The following RPRD2 variants were observed in gnomAD, a reference collection of about 807,000 sequenced individuals.
The protein encoded by RPRD2 is regulation of nuclear pre-mRNA domain-containing protein 2.
Under a neutral mutation model 104.4 loss-of-function variants are expected in RPRD2, and 12 were observed. The observed-to-expected ratio is 0.11, with a 90% confidence interval of 0.07 to 0.19. The LOEUF (loss-of-function observed/expected upper bound fraction) is 0.19, where lower values mean the gene tolerates loss of function less well. RPRD2 is among the 10% of genes least tolerant of loss of function. The probability of loss-of-function intolerance (pLI) is 1.00; values close to 1 mark genes in which losing one functional copy is unlikely to be tolerated. For synonymous variants in RPRD2, 714 were observed against 684.9 expected, an observed-to-expected ratio of 1.04 and a Z score of -0.66; for missense variants, 1,543 against 1,790.1, an observed-to-expected ratio of 0.86 and a Z score of 2.49.
intron 1 of RPRD2, among the ~76,000 whole-genome samples, chr1:150,372,951 A>G (rs1553878723): frequency 1.3e-5 from 2 of 152,108 alleles, no homozygotes; most frequent in African/African-American, 4.8e-5. Context: ...AGGCATTGTA[A>G]GGACTTTGGT....
At position 150,472,442 on chromosome 1, in the gene RPRD2, C is replaced by T; in HGVS notation, c.3494C>T (p.Ala1165Val). The change falls in exon 11 of 11, where the codon GCA (alanine) becomes GTA (valine). Residue 1165 changes from alanine (A) to valine (V), a missense_variant. Ala to Val is a moderately conservative substitution (Grantham distance 64). Around this residue, in one of 4 missense-constraint regions of RPRD2, gnomAD observed 880 missense variants for 885.6 expected, o/e 0.99. Transcript: ENST00000369068. The stretch of plus-strand genomic sequence containing the variant: ...GGAGGCCTCACTGGCTTTAAAACAG[C>T]ACCATACAAGGAACGGGCACCTCAA... ...GSGGLTGFKT[A>V]PYKERAPQFQ... 1 of 1,613,974 alleles carries T rather than the reference C, an allele frequency of 6.2e-7. No homozygotes were observed. Among genetic ancestry groups the T allele is most frequent in the Non-Finnish European group, 8.5e-7 (1 of 1,179,894 alleles).
intron 1 of RPRD2, among the ~76,000 whole-genome samples, chr1:150,365,557 C>T (rs1256540478): frequency 6.6e-6 from 1 of 152,156 alleles, no homozygotes; most frequent in Non-Finnish European, 1.5e-5. Flanking sequence ...TAGTCAGTAT[C>T]ATCGTTAATA....
chr1:150,383,962 G>A (rs1276060954), intron 1 of RPRD2, among the ~76,000 whole-genome samples: 3 of 152,138 alleles, frequency 2.0e-5, no homozygotes, highest in Admixed American at 6.6e-5. Context: ...TTGTGCAACA[G>A]AATTTCCCAA....
At chr1:150,382,656 G>A (rs1440061980) in intron 1 of RPRD2, among the ~76,000 whole-genome samples, 1 of 152,126 alleles carries the variant, frequency 6.6e-6, no homozygotes, top group African/African-American at 2.4e-5. Flanking sequence ...ACTGCACCTG[G>A]CCTATAGCTA....
At chr1:150,447,978 C>T (rs1666903574) in intron 7 of RPRD2, among the ~76,000 whole-genome samples, 1 of 152,156 alleles carries the variant, frequency 6.6e-6, no homozygotes, top group Admixed American at 6.6e-5. Context: ...TTCTCCTTCT[C>T]CCAGTTTTGT....
At chr1:150,402,381 A>G (rs759359357) in intron 1 of RPRD2, among the ~76,000 whole-genome samples, 13 of 152,206 alleles carry the variant, frequency 8.5e-5, no homozygotes, top group Non-Finnish European at 1.9e-4. Flanking sequence ...TTATCATATA[A>G]AAATGTAGAG....
chr1:150,464,464 G>C, intron 9 of RPRD2, 63 bp from the exon 10 acceptor site: 2 of 1,269,068 alleles, frequency 1.6e-6, no homozygotes, highest in Non-Finnish European at 2.2e-6. Flanking sequence ...GAAGTGAGGG[G>C]AAGTATCGGA....
intron 1 of RPRD2, among the ~76,000 whole-genome samples, chr1:150,404,118 C>T (rs181131108): frequency 6.6e-6 from 1 of 152,288 alleles, no homozygotes; most frequent in East Asian, 1.9e-4. Flanking sequence ...AGACCTAAGA[C>T]CCAGCTGATT....
At chr1:150,431,553 T>C (rs989948368) in intron 2 of RPRD2, among the ~76,000 whole-genome samples, 14 of 142,728 alleles carry the variant, frequency 9.8e-5, no homozygotes, top group Non-Finnish European at 1.8e-4. Context: ...CAATCTCGGC[T>C]CGCTGCAACT....
At chr1:150,431,061 T>TA (rs1665533678) in intron 2 of RPRD2, among the ~76,000 whole-genome samples, 1 of 152,178 alleles carries the variant, frequency 6.6e-6, no homozygotes, top group South Asian at 2.1e-4. Flanking sequence ...AATGAAATTA[T>TA]AAAACAAGCA....
At chr1:150,454,245 T>C (rs1667373359) in intron 7 of RPRD2, among the ~76,000 whole-genome samples, 1 of 152,174 alleles carries the variant, frequency 6.6e-6, no homozygotes, top group Non-Finnish European at 1.5e-5. Context: ...AGCTCTGCTT[T>C]TTTTCTTTTT....
In RPRD2 at chr1:150,364,693, A is replaced by G. The variant is rs782806629; in HGVS notation, c.-22A>G. 54 of 1,449,240 alleles carry G rather than the reference A, an allele frequency of 3.7e-5. No homozygotes were observed. The highest frequency in any genetic ancestry group is 5.0e-5 in the Non-Finnish European group (53 of 1,058,734). The allele number at this position is 1,449,240 out of a possible 1,614,324, so 89.8% of individuals were successfully genotyped here. On this transcript the variant is annotated 5_prime_UTR_variant, in exon 1 of 11. Coordinates refer to ENST00000369068, the MANE Select transcript of RPRD2 (RefSeq NM_015203.5). ...CCGCCGCCGCCGCCAGAGGAGCAGC[A>G]GCGCTTGTGCAAACCGGGAAGATGG...
Position 150,441,112 on chromosome 1 carries a change from G to A in RPRD2, c.436+89G>A, listed in dbSNP as rs115258200. On this transcript the variant is annotated intron_variant, in intron 3 of 10. Transcript: ENST00000369068. ...ATAGATCTGGTCATGTTGTATAATAGTGAAAAATTAAGTTTTGAATCTAGC... is the reference window on the plus strand; with the variant it reads ...ATAGATCTGGTCATGTTGTATAATAATGAAAAATTAAGTTTTGAATCTAGC... The A allele has an allele frequency of 4.4e-3, 2,737 of 628,622 alleles. 11 individuals carry two copies. Among genetic ancestry groups the A allele is most frequent in the Non-Finnish European group, 5.9e-3 (2,171 of 367,284 alleles). 38.9% of individuals were successfully genotyped at this position (628,622 alleles called of 1,614,324 possible).
intron 2 of RPRD2, among the ~76,000 whole-genome samples, chr1:150,436,778 G>A (rs1413437109): frequency 2.0e-5 from 3 of 151,574 alleles, no homozygotes; most frequent in East Asian, 2.0e-4. Context: ...GGTGGCACAC[G>A]CCTGTAATAC....
intron 1 of RPRD2, among the ~76,000 whole-genome samples, chr1:150,401,429 A>C (rs1662994890): frequency 6.6e-6 from 1 of 151,856 alleles, no homozygotes; most frequent in Non-Finnish European, 1.5e-5. Context: ...CGGAGGTTGC[A>C]GTGAGCTGAG....
chr1:150,428,880 T>C (rs1393096147), intron 2 of RPRD2, among the ~76,000 whole-genome samples: 2 of 152,100 alleles, frequency 1.3e-5, no homozygotes, highest in African/African-American at 4.8e-5. Flanking sequence ...CTTCCTGTTA[T>C]AAGAGTAAGG....
At chr1:150,373,337 T>C (rs1432157786) in intron 1 of RPRD2, among the ~76,000 whole-genome samples, 1 of 152,112 alleles carries the variant, frequency 6.6e-6, no homozygotes, top group Non-Finnish European at 1.5e-5. Flanking sequence ...AAAAGGTTAT[T>C]CTTGTTTCTG....
intron 4 of RPRD2, among the ~76,000 whole-genome samples, chr1:150,442,350 G>A (rs2102359392): frequency 6.6e-6 from 1 of 152,272 alleles, no homozygotes; most frequent in Non-Finnish European, 1.5e-5. Context: ...AAGCATTTCT[G>A]TGGGAACCAT....
At chr1:150,445,324 A>G (rs1035495071) in intron 6 of RPRD2, among the ~76,000 whole-genome samples, 19 of 152,324 alleles carry the variant, frequency 1.2e-4, no homozygotes, top group Non-Finnish European at 1.2e-4. Context: ...AAGTTACACA[A>G]CTGATAAGAG....
Sources: gnomAD v4.1 joint callset for allele counts (sites outside exome capture counted in the v4.1 genomes callset) on GRCh38, gnomAD v4.1.1 for gene constraint, gnomAD v4.1.1 regional missense constraint, MANE v1.5 for transcripts, NCBI Gene and HGNC (gene_info 2026-07-23, HGNC 2026-07-21) for gene names.